R3HDM4: variants seen among roughly 807,000 people sequenced by gnomAD.
The protein encoded by R3HDM4 is R3H domain-containing protein 4.
A neutral mutation model predicts 31.3 loss-of-function variants in R3HDM4; 30 were observed. The observed-to-expected ratio is 0.96, with a 90% CI of 0.72 to 1.30. The LOEUF (loss-of-function observed/expected upper bound fraction) is 1.30, where lower values mean the gene tolerates loss of function less well. Among genes scored for constraint, R3HDM4 ranks in the 50% most tolerant of loss-of-function variants. The pLI is 0.00. For synonymous variants in R3HDM4, 196 were observed against 156.6 expected (o/e 1.25, Z -1.88); for missense variants, 444 against 366.1 (o/e 1.21, Z -1.74).
At chr19:902,248 GGT>G in intron 1 of R3HDM4, 118 bp from the exon 2 acceptor site, 2 of 1,049,348 alleles carry the variant, frequency 1.9e-6, no homozygotes, top group Non-Finnish European at 2.8e-6. Context: ...TCACCCCTAC[GGT>G]GTGTGAAGTC....
Position 900,106 on chromosome 19 carries a change from G to A in R3HDM4, c.516C>T (p.Ile172=). Residue 172 remains isoleucine (I), a synonymous_variant, in exon 5 of 8, where the codon ATC becomes ATT. Transcript: ENST00000361574. ...AYTPRECFQR[I]SRRLRAVLKR... The stretch of plus-strand genomic sequence containing the variant: ...TGAGGACGGCTCGCAGACGCCGGCT[G>A]ATGCGCTGGAAGCACTCGCGGGGTG... 6.2e-7 allele frequency: 1 copy of A among 1,607,446 alleles called. No homozygotes were observed.
chr19:899,724 C>T lies in R3HDM4; in HGVS notation c.562-38G>A, dbSNP rs2036800295. ...GCCCGGTGGTCAGGGAACTGCGGGA[C>T]CTGTGGGTGGGGGGCCAGGGAGGTC... is the stretch of plus-strand genomic sequence containing the variant. On this transcript the variant is annotated intron_variant, in intron 5 of 7. Coordinates refer to ENST00000361574, the MANE Select transcript of R3HDM4 (RefSeq NM_138774.4). This position sits in a 1 kb window ranked among gnomAD's most constrained non-coding sequence, Gnocchi z 6.8. 2 of 1,490,858 alleles carry T rather than the reference C, an allele frequency of 1.3e-6. No individual in the cohort carries two copies. Among genetic ancestry groups the T allele is most frequent in the Non-Finnish European group, 1.8e-6 (2 of 1,114,314 alleles). 92.4% of individuals were successfully genotyped at this position (1,490,858 alleles called of 1,614,324 possible).
rs1233508954 is a variant in R3HDM4 at position 900,070 on chromosome 19, G to A, written c.552C>T (p.Arg184=). The A allele has an allele frequency of 3.7e-6, 6 of 1,611,950 alleles. No individual in the cohort carries two copies. The highest frequency in any genetic ancestry group is 2.2e-5 in the East Asian group (1 of 44,846). The stretch of plus-strand genomic sequence containing the variant: ...GCAATCCCCCACTCACCATGGGGAT[G>A]CGGCTGCGCTTGAGGACGGCTCGCA... ...RRLRAVLKRS[R]IPMETLETWE... The change falls in exon 5 of 8, where the codon CGC becomes CGT. Residue 184 remains arginine, a synonymous_variant. Coordinates refer to ENST00000361574, the MANE Select transcript of R3HDM4 (RefSeq NM_138774.4).
At position 897,470 on chromosome 19, in the gene R3HDM4, C is replaced by T; in HGVS notation, c.774G>A (p.Leu258=). The T allele has an allele frequency of 2.5e-6, 4 of 1,612,176 alleles. No individual in the cohort carries two copies. Among genetic ancestry groups the T allele is most frequent in the Admixed American group, 1.7e-5 (1 of 59,918 alleles). Reference sequence around the variant, plus strand: ...GCTGCTCCAGGTAGGCGGACAGGAGCAGCCCCGGCGGCAGGAAATCCAGGT... The same window carrying T: ...GCTGCTCCAGGTAGGCGGACAGGAGTAGCCCCGGCGGCAGGAAATCCAGGT... The part of the protein sequence containing the change: ...NRHLDFLPPG[L]LLSAYLEQHS The change falls in exon 8 of 8, where the codon CTG becomes CTA. Residue 258 remains leucine, a synonymous_variant. Transcript: ENST00000361574.
chr19:899,311 G>A lies in R3HDM4; in HGVS notation c.703+129C>T, dbSNP rs112911749. 128 of 925,122 alleles carry A rather than the reference G, an allele frequency of 1.4e-4. No individual in the cohort carries two copies. Among genetic ancestry groups the A allele is most frequent in the South Asian group, 9.0e-4 (61 of 67,882 alleles). The allele number at this position is 925,122 out of a possible 1,614,324, so 57.3% of individuals were successfully genotyped here. ...CCACTGCCACCCCTGAGTTCGTAGC[G>A]TCCCCACTCCAGCCCCCTTCCCCAC... On this transcript the variant is annotated intron_variant, in intron 7 of 7. Transcript: ENST00000361574. This position sits in a 1 kb window ranked among gnomAD's most constrained non-coding sequence, Gnocchi z 6.8.
intron 1 of R3HDM4, among the ~76,000 whole-genome samples, chr19:903,179 G>C (rs1019773648): frequency 6.6e-6 from 1 of 151,654 alleles, no homozygotes; most frequent in African/African-American, 2.4e-5. Flanking sequence ...CCCACTCCCA[G>C]CAGCAGAGGA....
In R3HDM4 at chr19:900,069, T is replaced by C. The variant is rs2036805371; in HGVS notation, c.553A>G (p.Ile185Val). ...RLRAVLKRSR[I>V]PMETLETWEE... is the part of the protein sequence containing the mutation. Reference sequence around the variant, plus strand: ...GGCAATCCCCCACTCACCATGGGGATGCGGCTGCGCTTGAGGACGGCTCGC... The same window carrying C: ...GGCAATCCCCCACTCACCATGGGGACGCGGCTGCGCTTGAGGACGGCTCGC... Residue 185 changes from isoleucine (I) to valine (V), a missense_variant, in exon 5 of 8, where the codon ATC becomes GTC. By Grantham distance (29) the Ile-to-Val change is conservative (BLOSUM62 3). Coordinates refer to ENST00000361574, the MANE Select transcript of R3HDM4 (RefSeq NM_138774.4). 1.2e-6 allele frequency: 2 copies of C among 1,611,650 alleles called. No individual in the cohort carries two copies. The highest frequency in any genetic ancestry group is 1.7e-5 in the Admixed American group (1 of 59,738).
intron 1 of R3HDM4, among the ~76,000 whole-genome samples, chr19:903,190 G>A (rs1467972192): frequency 2.0e-5 from 3 of 151,708 alleles, no homozygotes; most frequent in African/African-American, 7.3e-5. Flanking sequence ...CAGCAGAGGA[G>A]CCAGAAAACA....
chr19:899,921 A>C lies in R3HDM4; in HGVS notation c.561+140T>G. 1 of 934,046 alleles carries C rather than the reference A, an allele frequency of 1.1e-6. No homozygotes were observed. Among genetic ancestry groups the C allele is most frequent in the Non-Finnish European group, 1.7e-6 (1 of 602,854 alleles). The allele number at this position is 934,046 out of a possible 1,614,324, so 57.9% of individuals were successfully genotyped here. The stretch of plus-strand genomic sequence containing the variant: ...CTTCGTTGCCCCCGCCCTCCTACTC[A>C]GGGCCCTGGTGCCGCTGTCTGTATC... On this transcript the variant is annotated intron_variant, in intron 5 of 7. Transcript: ENST00000361574. This position sits in a 1 kb window ranked among gnomAD's most constrained non-coding sequence, Gnocchi z 6.8.
At position 902,126 on chromosome 19, in the gene R3HDM4, G is replaced by T. The variant is rs1372828995; in HGVS notation, c.76C>A (p.Leu26Ile). 1 of 1,612,798 alleles carries T rather than the reference G, an allele frequency of 6.2e-7. No homozygotes were observed. Among genetic ancestry groups the T allele is most frequent in the Non-Finnish European group, 8.5e-7 (1 of 1,179,882 alleles). Residue 26 changes from leucine (L) to isoleucine (I), a missense_variant, in exon 2 of 8, where the codon CTT becomes ATT. Transcript: ENST00000361574. ...GCTAGGGCAGGCAGGCAGCTGGGAA[G>T]GGGCCTGTGGGCCGGGGCAGGGGTG... ...GTPGGRRLLPLPSCLPALASS... is the reference protein window; with the variant it reads ...GTPGGRRLLPIPSCLPALASS...
At chr19:901,031 A>C in intron 3 of R3HDM4, 79 bp from the exon 4 acceptor site, 1 of 1,472,832 alleles carries the variant, frequency 6.8e-7, no homozygotes, top group Non-Finnish European at 9.1e-7. Context: ...GGGCACGGTA[A>C]GGCCGCCAAG....
intron 1 of R3HDM4, chr19:902,450 AAG>A (rs1425927091): frequency 4.7e-6 from 1 of 211,486 alleles, no homozygotes; most frequent in Admixed American, 5.2e-5. Flanking sequence ...AAAAAAAAAA[AAG>A]ACTTATTTTT....
chr19:903,473 C>A (rs1041247324), intron 1 of R3HDM4, among the ~76,000 whole-genome samples: 2 of 151,706 alleles, frequency 1.3e-5, no homozygotes, highest in African/African-American at 4.8e-5. Context: ...AAGCGCGCAC[C>A]GCAGCCACCG....
intron 1 of R3HDM4, among the ~76,000 whole-genome samples, chr19:912,781 A>AGG (rs1480248898): frequency 7.8e-4 from 54 of 69,636 alleles, no homozygotes; most frequent in African/African-American, 3.1e-3. Flanking sequence ...ACCGGGGAGT[A>AGG]GGGGGCGGAA....
chr19:902,337 T>G (rs2036848621), intron 1 of R3HDM4: 1 of 582,318 alleles, frequency 1.7e-6, no homozygotes, highest in South Asian at 2.1e-5. Flanking sequence ...GGGCTGGGTG[T>G]GGTGGCTCAT....
intron 1 of R3HDM4, 196 bp from the exon 2 acceptor site, chr19:902,326 C>T (rs890719471): frequency 3.1e-5 from 19 of 610,484 alleles, no homozygotes; most frequent in African/African-American, 2.8e-4. Flanking sequence ...ATTGTGAAGA[C>T]GGGCTGGGTG....
intron 7 of R3HDM4, 115 bp from the exon 8 acceptor site, chr19:897,655 T>C: frequency 2.5e-6 from 2 of 795,406 alleles, no homozygotes; most frequent in Non-Finnish European, 4.1e-6. Flanking sequence ...CGCCAGCTGG[T>C]GTGTGCTGGT....
intron 1 of R3HDM4, among the ~76,000 whole-genome samples, chr19:903,232 C>A (rs2036858950): frequency 6.7e-6 from 1 of 149,950 alleles, no homozygotes; most frequent in African/African-American, 2.5e-5. Context: ...GCCTCAGCCC[C>A]CCCCGCAAAC....
chr19:911,420 G>T (rs1370464321), intron 1 of R3HDM4, among the ~76,000 whole-genome samples: 1 of 152,226 alleles, frequency 6.6e-6, no homozygotes, highest in Non-Finnish European at 1.5e-5. Flanking sequence ...CTCCAGCCTG[G>T]GCGATAGAGC....
Sources: gnomAD v4.1 joint callset for allele counts (sites outside exome capture counted in the v4.1 genomes callset) on GRCh38, gnomAD v4.1.1 for gene constraint, Gnocchi (gnomAD v3.1) non-coding constraint, MANE v1.5 for transcripts, NCBI Gene and HGNC (gene_info 2026-07-23, HGNC 2026-07-21) for gene names.